Variants in SLC4A4 observed in about 807,000 individuals in gnomAD.
SLC4A4 encodes the protein solute carrier family 4 member 4, also known as electrogenic sodium bicarbonate cotransporter 1.
In SLC4A4, 27 loss-of-function variants were observed where a neutral mutation model predicts 111.5. That is an observed-to-expected ratio of 0.24 (90% CI 0.18 to 0.33). SLC4A4 has a LOEUF of 0.33. Ranked by LOEUF, SLC4A4 falls within the 10% of genes least tolerant of loss-of-function variation. The probability of loss-of-function intolerance (pLI) is 1.00; values close to 1 mark genes in which losing one functional copy is unlikely to be tolerated. For missense variants in SLC4A4, 909 were observed against 1,315.5 expected (o/e 0.69, Z 4.78); for synonymous variants, 443 against 463.4 (o/e 0.96, Z 0.57).
At chr4:71,092,684 G>C (rs1742419573) in intron 1 of SLC4A4, among the ~76,000 whole-genome samples, 1 of 152,140 alleles carries the variant, frequency 6.6e-6, no homozygotes, top group Non-Finnish European at 1.5e-5. Flanking sequence ...AAGAGTTTTT[G>C]TATTATTTGA....
chr4:71,268,822 G>C (rs919177946), intron 3 of SLC4A4, among the ~76,000 whole-genome samples: 7 of 152,132 alleles, frequency 4.6e-5, no homozygotes, highest in Non-Finnish European at 2.9e-5. Flanking sequence ...CTGGGTCTTT[G>C]TGCATAGTTC....
chr4:71,314,305 G>GCTTTTACA (rs1726479037), intron 3 of SLC4A4, among the ~76,000 whole-genome samples: 1 of 152,170 alleles, frequency 6.6e-6, no homozygotes, highest in African/African-American at 2.4e-5. Flanking sequence ...AATTAGGAAT[G>GCTTTTACA]CTTTTACACT....
intron 3 of SLC4A4, among the ~76,000 whole-genome samples, chr4:71,273,200 T>C (rs1480835090): frequency 6.6e-6 from 1 of 152,186 alleles, no homozygotes; most frequent in Non-Finnish European, 1.5e-5. Context: ...CCAAGGGCAT[T>C]CAGCAGGTAA....
At chr4:71,147,988 G>A (rs1044511459) in intron 2 of SLC4A4, among the ~76,000 whole-genome samples, 3 of 152,074 alleles carry the variant, frequency 2.0e-5, no homozygotes, top group African/African-American at 7.2e-5. Flanking sequence ...TTTCTTCCAT[G>A]TCCTTCCTTG....
rs1742186597 is a variant in SLC4A4 at position 71,086,705 on chromosome 4, G to A, written c.-64-6025G>A. Among the ~76,000 whole-genome samples the A allele has an allele frequency of 2.0e-5, 3 of 151,960 alleles. No individual in the cohort carries two copies. In the South Asian group the frequency reaches 6.2e-4, roughly 31 times the overall value. ...TGGTTCTGTTTATATGCTGGATTAT[G>A]TTTATTGATTTGCATATGTTGAACC... is the stretch of plus-strand genomic sequence containing the variant. On this transcript the variant is annotated intron_variant, in intron 1 of 26. Coordinates refer to the SLC4A4 transcript ENST00000649996.
At chr4:71,196,749 G>A (rs1445594201) in intron 1 of SLC4A4, among the ~76,000 whole-genome samples, 3 of 143,760 alleles carry the variant, frequency 2.1e-5, no homozygotes, top group Admixed American at 1.5e-4. Context: ...CAGGAGAATC[G>A]CTGGAACCTG....
intron 2 of SLC4A4, among the ~76,000 whole-genome samples, chr4:71,145,883 C>T (rs1376370231): frequency 6.6e-6 from 1 of 152,072 alleles, no homozygotes; most frequent in African/African-American, 2.4e-5. Context: ...TTTTGTTGAT[C>T]TTTTCAAAAA....
At chr4:71,546,037 G>T in intron 18 of SLC4A4, among the ~76,000 whole-genome samples, 1 of 152,036 alleles carries the variant, frequency 6.6e-6, no homozygotes. Context: ...TATCTCCATT[G>T]TTCTGATTAG....
rs546224259 is a variant in SLC4A4, at chr4:71,192,757, C to T, written c.-2+5356C>T. On this transcript the variant is annotated intron_variant, in intron 1 of 25. Transcript: ENST00000264485. ...ATCATACCATCAGTGGACATCTCAGCGATTTACCTAAGTGAACATGTCCAT... is the reference window on the plus strand; with the variant it reads ...ATCATACCATCAGTGGACATCTCAGTGATTTACCTAAGTGAACATGTCCAT... 9.2e-4 allele frequency among the ~76,000 whole-genome samples: 140 copies of T among 152,216 alleles called. 1 individual carries two copies. Among genetic ancestry groups the T allele is most frequent in the Middle Eastern group, 3.4e-3 (1 of 294 alleles).
At chr4:71,485,141 G>C (rs1450197883) in intron 14 of SLC4A4, among the ~76,000 whole-genome samples, 1 of 151,690 alleles carries the variant, frequency 6.6e-6, no homozygotes, top group East Asian at 2.0e-4. Context: ...TCTTTCTCTT[G>C]CCTGATTGCC....
At chr4:71,333,239 G>A (rs768033233) in intron 3 of SLC4A4, among the ~76,000 whole-genome samples, 17 of 152,342 alleles carry the variant, frequency 1.1e-4, no homozygotes, top group South Asian at 2.1e-4. Flanking sequence ...CCATGTCTGC[G>A]TTAGGCAGCA....
chr4:71,147,046 C>A (rs1744193585), intron 2 of SLC4A4, among the ~76,000 whole-genome samples: 1 of 152,100 alleles, frequency 6.6e-6, no homozygotes, highest in Non-Finnish European at 1.5e-5. Context: ...GGAGGAAGAT[C>A]TACCAAGCAA....
chr4:71,445,667 A>T (rs1725158811), intron 8 of SLC4A4, among the ~76,000 whole-genome samples: 1 of 152,138 alleles, frequency 6.6e-6, no homozygotes, highest in Non-Finnish European at 1.5e-5. Flanking sequence ...ATTGAATTGA[A>T]ACATGACCAT....
Position 71,451,198 on chromosome 4 carries a change from T to C in SLC4A4, c.1219T>C (p.Tyr407His). The change falls in exon 11 of 26, where the codon TAC (tyrosine) becomes CAC (histidine). Residue 407 changes from tyrosine to histidine, a missense_variant. Tyr to His is a moderately conservative substitution (Grantham distance 83). Around this residue, in one of 7 missense-constraint regions of SLC4A4, gnomAD observed 312 missense variants for 402.0 expected, o/e 0.78. Coordinates refer to ENST00000264485, the MANE Select transcript of SLC4A4 (RefSeq NM_001098484.3). ...LPSSDKRKNM[Y>H]SGGENVQMNG... The stretch of plus-strand genomic sequence containing the variant: ...TGTTGTCTTGCTTAGAAAGAATATG[T>C]ACTCAGGTGGAGAGAATGTTCAGAT... 6.2e-7 allele frequency: 1 copy of C among 1,600,456 alleles called. No homozygotes were observed. The highest frequency in any genetic ancestry group is 8.6e-7 in the Non-Finnish European group (1 of 1,167,576).
At chr4:71,302,494 T>C (rs1725354106) in intron 3 of SLC4A4, among the ~76,000 whole-genome samples, 1 of 152,156 alleles carries the variant, frequency 6.6e-6, no homozygotes, top group African/African-American at 2.4e-5. Context: ...AAATTACCTT[T>C]AAAAGTATAA....
intron 7 of SLC4A4, among the ~76,000 whole-genome samples, chr4:71,421,890 A>T (rs1283834668): frequency 6.6e-6 from 1 of 152,078 alleles, no homozygotes; most frequent in Non-Finnish European, 1.5e-5. Flanking sequence ...AGCAGGAAAG[A>T]TCCAAAATTG....
intron 3 of SLC4A4, among the ~76,000 whole-genome samples, chr4:71,264,066 T>C (rs1363628377): frequency 2.0e-5 from 3 of 151,814 alleles, no homozygotes; most frequent in South Asian, 4.2e-4. Flanking sequence ...GTTTGCGGAG[T>C]TTTTTTTACA....
At chr4:71,460,418 A>C (rs1389112766) in intron 12 of SLC4A4, among the ~76,000 whole-genome samples, 2 of 152,132 alleles carry the variant, frequency 1.3e-5, no homozygotes, top group Non-Finnish European at 2.9e-5. Flanking sequence ...TTGCTCATCC[A>C]GCCTATTAGA....
intron 1 of SLC4A4, among the ~76,000 whole-genome samples, chr4:71,064,864 G>C (rs1045687925): frequency 2.0e-5 from 3 of 152,172 alleles, no homozygotes; most frequent in African/African-American, 7.2e-5. Flanking sequence ...ACATCCTTCT[G>C]TCTCTTCTAT....
Sources: allele counts gnomAD v4.1 joint callset (sites outside exome capture counted in the v4.1 genomes callset), GRCh38; gene constraint gnomAD v4.1.1; regional missense constraint gnomAD v4.1.1; transcripts MANE v1.5; gene names NCBI Gene and HGNC (gene_info 2026-07-23, HGNC 2026-07-21).